The following FRMPD4 variants were observed in gnomAD, a reference collection of about 807,000 sequenced individuals.
The protein encoded by FRMPD4 is FERM and PDZ domain containing 4.
A neutral mutation model predicts 94.1 loss-of-function variants in FRMPD4; 22 were observed. The ratio of observed to expected loss-of-function variants is 0.23; its 90% CI spans 0.17 to 0.33. The LOEUF is 0.33. Among genes scored for constraint, FRMPD4 ranks in the 10% least tolerant of loss-of-function variants. The pLI is 1.00. For synonymous variants in FRMPD4, 631 were observed against 548.6 expected (o/e 1.15, Z -2.10); for missense variants, 1,111 against 1,339.9 (o/e 0.83, Z 2.67).
chrX:12,706,130 C>A (rs1231017505), intron 11 of FRMPD4, among the ~76,000 whole-genome samples: 1 of 109,644 alleles, frequency 9.1e-6, no homozygotes, highest in Non-Finnish European at 1.9e-5. Flanking sequence ...GATATGGGAT[C>A]CTACATTTTT....
At chrX:12,111,022 C>T (rs1161191502) in intron 3 of FRMPD4, among the ~76,000 whole-genome samples, 2 of 111,540 alleles carry the variant, frequency 1.8e-5, no homozygotes, top group Non-Finnish European at 1.9e-5. Context: ...TCAATGCCAT[C>T]CCCATCAAGC....
At position 12,717,037 on chromosome X, in the gene FRMPD4, A is replaced by G. The variant is rs768280850; in HGVS notation, c.2578A>G (p.Lys860Glu). Residue 860 changes from lysine to glutamate, a missense_variant, in exon 15 of 17, where the codon AAG (lysine) becomes GAG (glutamate). Lys to Glu is a moderately conservative substitution (Grantham distance 56, BLOSUM62 1). Around this residue, in one of 8 missense-constraint regions of FRMPD4, gnomAD observed 74 missense variants for 93.9 expected, o/e 0.79. Coordinates refer to ENST00000675598, the MANE Select transcript of FRMPD4 (RefSeq NM_001368397.1). ...CGCTGTGCCCACCAGCGCCGAAGGCAAGTGTGAGAAGGGACTGGATAATGC... is the reference window on the plus strand; with the variant it reads ...CGCTGTGCCCACCAGCGCCGAAGGCGAGTGTGAGAAGGGACTGGATAATGC... ...IDAVPTSAEG[K>E]CEKGLDNAVV... 3 of 1,210,401 alleles carry G rather than the reference A, an allele frequency of 2.5e-6. No individual in the cohort carries two copies. The highest frequency in any genetic ancestry group is 3.4e-6 in the Non-Finnish European group (3 of 893,866).
chrX:12,537,446 T>C (rs5979646), intron 2 of FRMPD4, among the ~76,000 whole-genome samples: 3,141 of 103,394 alleles, frequency 0.03, 115 homozygotes, highest in African/African-American at 0.11. Flanking sequence ...AATATATATT[T>C]TTTTTTTCCT....
intron 2 of FRMPD4, among the ~76,000 whole-genome samples, chrX:12,562,742 C>G (rs2058671150): frequency 8.9e-6 from 1 of 112,470 alleles, no homozygotes; most frequent in South Asian, 3.6e-4. Flanking sequence ...TGTCATGAGG[C>G]TTGTATAGGC....
At chrX:12,662,565 T>A (rs2059727779) in intron 4 of FRMPD4, among the ~76,000 whole-genome samples, 2 of 112,452 alleles carry the variant, frequency 1.8e-5, no homozygotes, top group African/African-American at 6.5e-5. Flanking sequence ...TATTCCTTGG[T>A]GTATATGTGC....
At chrX:12,053,502 A>AGAAG (rs1339080316) in intron 3 of FRMPD4, among the ~76,000 whole-genome samples, 3 of 110,096 alleles carry the variant, frequency 2.7e-5, no homozygotes, top group East Asian at 5.7e-4. Flanking sequence ...AAAGAAAGAA[A>AGAAG]GAAGGAAGGA....
At chrX:12,007,734 C>T (rs1296794654) in intron 3 of FRMPD4, among the ~76,000 whole-genome samples, 2 of 112,704 alleles carry the variant, frequency 1.8e-5, no homozygotes. Flanking sequence ...TTCCTACCTG[C>T]TACTGGTCAC....
chrX:11,858,426 A>G (rs1312553853), intron 1 of FRMPD4, among the ~76,000 whole-genome samples: 1 of 111,346 alleles, frequency 9.0e-6, no homozygotes, highest in Admixed American at 9.6e-5. Flanking sequence ...GCTGAAGGCC[A>G]TTATCCTTAG....
At chrX:11,928,384 G>A (rs958040598) in intron 3 of FRMPD4, among the ~76,000 whole-genome samples, 1 of 111,902 alleles carries the variant, frequency 8.9e-6, no homozygotes, top group Non-Finnish European at 1.9e-5. Flanking sequence ...AGAGAAGAAT[G>A]AGAACTGAGT....
intron 3 of FRMPD4, among the ~76,000 whole-genome samples, chrX:12,012,386 G>A (rs950605698): frequency 1.8e-5 from 2 of 111,999 alleles, no homozygotes; most frequent in African/African-American, 6.5e-5. Flanking sequence ...TTACCAGGTT[G>A]AGGAAGTTCC....
At chrX:12,170,185 G>C (rs1601655959) in intron 1 of FRMPD4, among the ~76,000 whole-genome samples, 1 of 96,899 alleles carries the variant, frequency 1.0e-5, no homozygotes, top group Non-Finnish European at 2.1e-5. Flanking sequence ...TTTCCACAGA[G>C]TTTTTTTTTT....
chrX:12,489,959 A>G (rs1405915862), intron 1 of FRMPD4, among the ~76,000 whole-genome samples: 1 of 111,312 alleles, frequency 9.0e-6, no homozygotes, highest in African/African-American at 3.3e-5. Context: ...GAAAGCAAGC[A>G]CCCTATCTGC....
chrX:11,996,245 C>G (rs1447658558), intron 3 of FRMPD4, among the ~76,000 whole-genome samples: 1 of 112,027 alleles, frequency 8.9e-6, no homozygotes, highest in African/African-American at 3.2e-5. Context: ...TGTCAGATGA[C>G]AAGGGGGAAA....
At chrX:12,694,819 G>A (rs2060112539) in intron 9 of FRMPD4, among the ~76,000 whole-genome samples, 1 of 111,376 alleles carries the variant, frequency 9.0e-6, no homozygotes, top group South Asian at 3.8e-4. Context: ...AAATAATTCT[G>A]GTTTACTCCT....
chrX:11,956,757 T>A (rs1260425262), intron 3 of FRMPD4, among the ~76,000 whole-genome samples: 1 of 112,328 alleles, frequency 8.9e-6, no homozygotes, highest in Non-Finnish European at 1.9e-5. Context: ...AAATACTTTT[T>A]CCACATTAAA....
rs150868647 is a variant in FRMPD4 at position 11,854,530 on chromosome X, A to G, written c.-160-10556A>G. On this transcript the variant is annotated intron_variant, in intron 1 of 18. Transcript: ENST00000640291. ...TAGTTATTAGTAATACTTCCTAGAT[A>G]CAATGGGGGTATAGGCATTGGGTAA... Among the ~76,000 whole-genome samples, 252 of 112,572 alleles carry G rather than the reference A, an allele frequency of 2.2e-3. 7 individuals are homozygous for G. In the East Asian group the frequency reaches 0.056, roughly 25 times the overall value.
intron 2 of FRMPD4, among the ~76,000 whole-genome samples, chrX:12,524,048 A>G (rs1243570815): frequency 8.9e-6 from 1 of 111,754 alleles, no homozygotes; most frequent in Non-Finnish European, 1.9e-5. Flanking sequence ...CCAGCTACTC[A>G]GGAGGCTGAG....
chrX:12,250,022 TTCTCTCTCTC>T lies in FRMPD4; in HGVS notation c.41+111028_41+111037del, dbSNP rs3835008. Among the ~76,000 whole-genome samples the T allele has an allele frequency of 7.7e-4, 75 of 97,512 alleles. 2 individuals carry two copies. The South Asian group carries it at 9.5e-3, about 12-fold the overall frequency. 84.7% of individuals were successfully genotyped at this position (97,512 alleles called of 115,157 possible). Reference sequence around the variant, plus strand: ...TTGGGTTTAATTATTAATTATGGTATTCTCTCTCTCTCTCTCTCTCTCTCTCTGTGTGTGT... The same window carrying T: ...TTGGGTTTAATTATTAATTATGGTATTCTCTCTCTCTCTCTCTGTGTGTGT... On this transcript the variant is annotated intron_variant, in intron 1 of 16. Coordinates refer to ENST00000675598, the MANE Select transcript of FRMPD4 (RefSeq NM_001368397.1).
At chrX:12,316,528 A>C (rs2055119928) in intron 1 of FRMPD4, among the ~76,000 whole-genome samples, 1 of 112,281 alleles carries the variant, frequency 8.9e-6, no homozygotes, top group Admixed American at 9.4e-5. Flanking sequence ...GTTTGAAGAT[A>C]TAACCATCAT....
Sources: allele counts gnomAD v4.1 joint callset (sites outside exome capture counted in the v4.1 genomes callset), GRCh38; gene constraint gnomAD v4.1.1; regional missense constraint gnomAD v4.1.1; transcripts MANE v1.5; gene names NCBI Gene and HGNC (gene_info 2026-07-23, HGNC 2026-07-21).